Variants in MYO19 observed in about 807,000 individuals in gnomAD.
MYO19 encodes the protein myosin XIX.
MYO19 carries 132 observed loss-of-function variants against 129.2 expected under a neutral mutation model. The ratio of observed to expected loss-of-function variants is 1.02; its 90% CI spans 0.89 to 1.18. The LOEUF (loss-of-function observed/expected upper bound fraction) is 1.18, where lower values mean the gene tolerates loss of function less well. Among genes scored for constraint, MYO19 ranks in the 50% most tolerant of loss-of-function variants. The pLI is 0.00. For missense variants in MYO19, 1,210 were observed against 1,216.7 expected, an observed-to-expected ratio of 0.99 and a Z score of 0.08; for synonymous variants, 531 against 477.2, an observed-to-expected ratio of 1.11 and a Z score of -1.47.
upstream of MYO19, among the ~76,000 whole-genome samples, chr17:36,536,524 CTTT>C (rs10715370): frequency 8.0e-6 from 1 of 125,534 alleles, no homozygotes; most frequent in South Asian, 2.5e-4. Context: ...TTTTCTTTTC[CTTT>C]TTTTTTTTTT....
intron 1 of MYO19, among the ~76,000 whole-genome samples, chr17:36,542,473 G>A (rs2074202055): frequency 6.6e-6 from 1 of 152,104 alleles, no homozygotes; most frequent in South Asian, 2.1e-4. Context: ...GCCGAGGCGG[G>A]CGGATCAAGA....
chr17:36,510,068 C>T (rs2072212289), intron 13 of MYO19: 1 of 152,272 alleles, frequency 6.6e-6, no homozygotes, highest in Non-Finnish European at 1.5e-5. Flanking sequence ...GGGACCCTCT[C>T]CCCAGAAAGG....
upstream of MYO19, among the ~76,000 whole-genome samples, chr17:36,539,638 A>G (rs905330494): frequency 1.3e-5 from 2 of 152,038 alleles, no homozygotes; most frequent in African/African-American, 2.4e-5. Flanking sequence ...TGGATGTTAT[A>G]TTATAGCTTA....
chr17:36,496,191 A>G lies in MYO19; in HGVS notation c.*60T>C, dbSNP rs2070949100. The G allele has an allele frequency of 2.5e-6, 4 of 1,595,938 alleles. No homozygotes were observed. The East Asian group carries it at 8.9e-5, about 36-fold the overall frequency. On this transcript the variant is annotated 3_prime_UTR_variant, in exon 26 of 26. Coordinates refer to ENST00000614623, the MANE Select transcript of MYO19 (RefSeq NM_001163735.2). ...ATAGTCTGGCAGCTGTGTGCTGATT[A>G]AATGTCTTTGGCAAGGCAGGGGGCA... is the stretch of plus-strand genomic sequence containing the variant.
upstream of MYO19, among the ~76,000 whole-genome samples, chr17:36,539,712 T>C (rs1056964622): frequency 1.2e-4 from 18 of 152,194 alleles, no homozygotes; most frequent in African/African-American, 4.3e-4. Flanking sequence ...GCCTACCCTA[T>C]GCTAGGGATT....
chr17:36,532,424 GAA>G, intron 3 of MYO19, 101 bp downstream of exon 3: 1 of 1,390,226 alleles, frequency 7.2e-7, no homozygotes, highest in Non-Finnish European at 1.0e-6. Context: ...TTTGAGGAGA[GAA>G]AAGAGACCTT....
intron 6 of MYO19, among the ~76,000 whole-genome samples, chr17:36,522,713 A>G (rs2073212927): frequency 1.3e-5 from 2 of 152,036 alleles, no homozygotes; most frequent in African/African-American, 4.8e-5. Flanking sequence ...TACTAAAAAT[A>G]TAAAACTTAG....
At chr17:36,531,302 G>A (rs2073821219) in intron 3 of MYO19, among the ~76,000 whole-genome samples, 1 of 150,478 alleles carries the variant, frequency 6.6e-6, no homozygotes, top group South Asian at 2.1e-4. Context: ...GGCTGAGGCA[G>A]GAGAATAGCA....
chr17:36,498,182 A>G (rs934508641), intron 25 of MYO19, 84 bp downstream of exon 25: 8 of 1,464,862 alleles, frequency 5.5e-6, no homozygotes, highest in South Asian at 1.3e-5. Flanking sequence ...TCCCAGCCTC[A>G]GTCTCATTCC....
intron 2 of MYO19, 37 bp from the exon 3 acceptor site, chr17:36,532,718 G>C (rs1175410052): frequency 1.4e-6 from 1 of 714,172 alleles, no homozygotes; most frequent in Non-Finnish European, 2.4e-6. Context: ...CCACACACAG[G>C]TGAGGGCTTT....
At chr17:36,538,273 G>T, upstream of MYO19, 2 of 1,613,286 alleles carry the variant, frequency 1.2e-6, no homozygotes, top group Non-Finnish European at 1.7e-6. Flanking sequence ...TTATTACTGG[G>T]TGATATAATT....
chr17:36,507,791 C>A lies in MYO19; in HGVS notation c.1353+12G>T. ...AAAGAAGGACCTGCCTCCTGCTCAC[C>A]CCATCCCTCACCTGCTGGGCCCTTA... On this transcript the variant is annotated intron_variant, in intron 15 of 25. Transcript: ENST00000614623. The A allele has an allele frequency of 6.2e-7, 1 of 1,600,916 alleles. No individual in the cohort carries two copies. Among genetic ancestry groups the A allele is most frequent in the Non-Finnish European group, 8.5e-7 (1 of 1,172,320 alleles).
At chr17:36,537,531 A>G (rs1392677303), upstream of MYO19, 1 of 1,614,060 alleles carries the variant, frequency 6.2e-7, no homozygotes. Context: ...TGCTATTGCT[A>G]TTTTGGCTGT....
intron 14 of MYO19, chr17:36,508,386 C>T (rs1172657083): frequency 6.4e-6 from 1 of 156,634 alleles, no homozygotes; most frequent in Non-Finnish European, 1.4e-5. Flanking sequence ...CTATAACTGA[C>T]TGTCCCACCT....
chr17:36,525,813 G>A (rs1409423913), intron 5 of MYO19, among the ~76,000 whole-genome samples: 1 of 152,186 alleles, frequency 6.6e-6, no homozygotes, highest in African/African-American at 2.4e-5. Context: ...CAAAGCCACT[G>A]TTCCCCTTTT....
chr17:36,527,481 G>T, intron 5 of MYO19, 70 bp downstream of exon 5: 4 of 1,523,984 alleles, frequency 2.6e-6, no homozygotes, highest in Non-Finnish European at 3.6e-6. Context: ...AATAAGGACA[G>T]GGGTAACTGC....
chr17:36,520,128 C>T (rs770578763), intron 6 of MYO19, among the ~76,000 whole-genome samples: 3 of 152,032 alleles, frequency 2.0e-5, no homozygotes, highest in Admixed American at 6.6e-5. Flanking sequence ...GCACCTACCA[C>T]CATGCCCTGC....
intron 3 of MYO19, among the ~76,000 whole-genome samples, chr17:36,529,153 C>CT (rs145146881): frequency 0.068 from 10,228 of 149,634 alleles, 571 homozygotes; most frequent in African/African-American, 0.15. Context: ...CCTTGCCTAT[C>CT]TTTTTTTTTT....
At chr17:36,543,525 C>T (rs764878558), upstream of MYO19, 3 of 152,174 alleles carry the variant, frequency 2.0e-5, no homozygotes, top group Non-Finnish European at 2.9e-5. Flanking sequence ...ATTATGTCAC[C>T]GACCCTAACA....
Sources: allele counts gnomAD v4.1 joint callset (sites outside exome capture counted in the v4.1 genomes callset), GRCh38; gene constraint gnomAD v4.1.1; transcripts MANE v1.5; gene names NCBI Gene and HGNC (gene_info 2026-07-23, HGNC 2026-07-21).